The following ATG7 variants were observed in gnomAD, a reference collection of about 807,000 sequenced individuals.
ATG7 encodes ubiquitin-like modifier-activating enzyme ATG7.
In ATG7, 70 loss-of-function variants were observed where a neutral mutation model predicts 82.4. That is an observed-to-expected ratio of 0.85 (90% CI 0.70 to 1.04). The LOEUF (loss-of-function observed/expected upper bound fraction) is 1.04. Among genes scored for constraint, ATG7 ranks in the 50% least tolerant of loss-of-function variants. The pLI is 0.00. For missense variants in ATG7, 792 were observed against 864.3 expected (o/e 0.92, Z 1.05); for synonymous variants, 287 against 313.0 (o/e 0.92, Z 0.88).
Position 11,350,957 on chromosome 3 carries a change from C to T in ATG7, c.1284+2922C>T, listed in dbSNP as rs553860461. ...AAAAAAAAAAAAAAAAAGCAGTGAT[C>T]CAATCTATCGTTGGAGAGTATTATG... On this transcript the variant is annotated intron_variant, in intron 14 of 20. Transcript: ENST00000693202. Among the ~76,000 whole-genome samples the T allele has an allele frequency of 1.8e-3, 268 of 146,874 alleles. 1 individual carries two copies. The highest frequency in any genetic ancestry group is 6.5e-3 in the African/African-American group (261 of 40,086).
chr3:11,480,373 C>T (rs897951940), intron 20 of ATG7, among the ~76,000 whole-genome samples: 1 of 152,040 alleles, frequency 6.6e-6, no homozygotes, highest in African/African-American at 2.4e-5. Context: ...CCTGTCTCTA[C>T]AAAAACATTT....
chr3:11,529,849 C>T (rs2092659690), intron 20 of ATG7: 1 of 152,264 alleles, frequency 6.6e-6, no homozygotes, highest in Non-Finnish European at 1.5e-5. Flanking sequence ...GCTCTGTGCT[C>T]GTCAGCCCCT....
intron 20 of ATG7, among the ~76,000 whole-genome samples, chr3:11,465,972 T>C (rs150398990): frequency 6.6e-5 from 10 of 152,362 alleles, no homozygotes; most frequent in Non-Finnish European, 1.0e-4. Context: ...TGGTACATTC[T>C]TTTCATTTGT....
At chr3:11,569,682 T>C in the ATG7 span, among the ~76,000 whole-genome samples, 1 of 152,212 alleles carries the variant, frequency 6.6e-6, no homozygotes, top group Non-Finnish European at 1.5e-5. Context: ...ATCTGAGAAC[T>C]GGCAGGACAG....
chr3:11,539,327 A>G (rs2125016112), intron 20 of ATG7, among the ~76,000 whole-genome samples: 1 of 152,340 alleles, frequency 6.6e-6, no homozygotes, highest in East Asian at 1.9e-4. Context: ...ATAGCTAGTC[A>G]GTGGCAGAGC....
At chr3:11,317,584 C>CTTTTTTTTTTTTTTTTTTTT (rs370026914) in intron 9 of ATG7, among the ~76,000 whole-genome samples, 7 of 114,484 alleles carry the variant, frequency 6.1e-5, no homozygotes, top group Admixed American at 1.1e-4. Flanking sequence ...TTCTTTCTTT[C>CTTTTTTTTTTTTTTTTTTTT]TTTTTTTTTT....
chr3:11,427,454 A>G (rs2082460796), intron 20 of ATG7, among the ~76,000 whole-genome samples: 1 of 151,296 alleles, frequency 6.6e-6, no homozygotes, highest in African/African-American at 2.4e-5. Flanking sequence ...CTCAGCTAAA[A>G]TATTTTGCAG....
chr3:11,472,887 G>A (rs543796739), intron 20 of ATG7, among the ~76,000 whole-genome samples: 1 of 152,158 alleles, frequency 6.6e-6, no homozygotes, highest in African/African-American at 2.4e-5. Flanking sequence ...GATAAGATCA[G>A]GGAATCCTTA....
At chr3:11,428,281 TG>T (rs1261793558) in intron 20 of ATG7, among the ~76,000 whole-genome samples, 1 of 152,232 alleles carries the variant, frequency 6.6e-6, no homozygotes, top group East Asian at 1.9e-4. Context: ...GGCCCAATAC[TG>T]GACCAGCCAG....
chr3:11,369,077 G>A (rs1317501565), intron 18 of ATG7, among the ~76,000 whole-genome samples: 4 of 150,844 alleles, frequency 2.7e-5, no homozygotes. Flanking sequence ...GTGGAGCTGG[G>A]ATCTCTAGCC....
At chr3:11,322,371 C>A (rs1429777561) in intron 9 of ATG7, among the ~76,000 whole-genome samples, 2 of 152,156 alleles carry the variant, frequency 1.3e-5, no homozygotes, top group Non-Finnish European at 1.5e-5. Flanking sequence ...CATTTTATGA[C>A]CATTTTGGAA....
chr3:11,470,139 C>G (rs945246095), intron 20 of ATG7, among the ~76,000 whole-genome samples: 28 of 152,216 alleles, frequency 1.8e-4, no homozygotes, highest in Admixed American at 1.7e-3. Flanking sequence ...AAGCTGCTGC[C>G]TGGTGTGAGT....
chr3:11,559,647 T>G (rs909128182), downstream of ATG7, among the ~76,000 whole-genome samples: 3 of 152,186 alleles, frequency 2.0e-5, no homozygotes, highest in African/African-American at 7.2e-5. Flanking sequence ...TCCAAGGGTG[T>G]GTGTAGTGGC....
chr3:11,432,457 C>G (rs2082983867), intron 20 of ATG7, among the ~76,000 whole-genome samples: 1 of 45,832 alleles, frequency 2.2e-5, no homozygotes, highest in Admixed American at 2.8e-4. Flanking sequence ...AAGAAGGAGC[C>G]TTGCATAAGA....
At chr3:11,308,597 T>G (rs1948141559) in intron 6 of ATG7, 1 of 201,056 alleles carries the variant, frequency 5.0e-6, no homozygotes, top group East Asian at 1.3e-4. Context: ...CTATCTAGAC[T>G]GCGAGTGTCT....
chr3:11,516,031 TA>T (rs35770722), intron 20 of ATG7, among the ~76,000 whole-genome samples: 11,598 of 135,072 alleles, frequency 0.086, 794 homozygotes, highest in African/African-American at 0.2. Flanking sequence ...CATTCCTTTT[TA>T]AAAAAAAAAA....
chr3:11,436,477 A>C (rs1319858447), intron 20 of ATG7, among the ~76,000 whole-genome samples: 2 of 152,222 alleles, frequency 1.3e-5, no homozygotes, highest in Non-Finnish European at 2.9e-5. Flanking sequence ...ATATATACCC[A>C]AGGCTACTCT....
At chr3:11,281,966 G>A (rs6799024) in intron 2 of ATG7, among the ~76,000 whole-genome samples, 12,907 of 152,118 alleles carry the variant, frequency 0.085, 1,691 homozygotes, top group African/African-American at 0.28. Flanking sequence ...CAGCTTTTAG[G>A]AAACCATCAT....
At chr3:11,409,448 A>G (rs2080682407) in intron 19 of ATG7, among the ~76,000 whole-genome samples, 1 of 152,176 alleles carries the variant, frequency 6.6e-6, no homozygotes, top group African/African-American at 2.4e-5. Flanking sequence ...GGCTGACATA[A>G]ATGTTCTGAA....
Sources: gnomAD v4.1 joint callset for allele counts (sites outside exome capture counted in the v4.1 genomes callset) on GRCh38, gnomAD v4.1.1 for gene constraint, MANE v1.5 for transcripts, NCBI Gene and HGNC (gene_info 2026-07-23, HGNC 2026-07-21) for gene names.